Variants in ZNF43 observed in about 807,000 individuals in gnomAD.
The protein encoded by ZNF43 is zinc finger protein 43.
A neutral mutation model predicts 68.4 loss-of-function variants in ZNF43; 44 were observed. That is an observed-to-expected ratio of 0.64 (90% CI 0.51 to 0.83). The LOEUF is 0.83. ZNF43 is among the 40% of genes least tolerant of loss of function. The pLI, the probability that ZNF43 is intolerant of heterozygous loss-of-function variation, is 0.00. For synonymous variants in ZNF43, 308 were observed against 307.8 expected (o/e 1.00, Z -0.01); for missense variants, 896 against 933.2 (o/e 0.96, Z 0.52).
chr19:21,830,628 C>G (rs991858594), intron 1 of ZNF43, among the ~76,000 whole-genome samples: 4 of 145,316 alleles, frequency 2.8e-5, no homozygotes, highest in African/African-American at 1.0e-4. Flanking sequence ...AGCCTAGAAA[C>G]CAATAAAAAA....
chr19:21,811,648 T>C (rs886922241), intron 3 of ZNF43, among the ~76,000 whole-genome samples: 2 of 151,772 alleles, frequency 1.3e-5, no homozygotes, highest in Admixed American at 6.6e-5. Context: ...AATGTGGTAC[T>C]GACACAAAGA....
In ZNF43 at chr19:21,808,513, T is replaced by C; in HGVS notation, c.1524A>G (p.Lys508=). ...TKHKKIHIEK[K]PYKCEECGKA... ...TGCCACATTCTTCACATTTGTAGGG[T>C]TTCTTTTCAATGTGAATTTTCTTAT... Residue 508 remains lysine, a synonymous_variant, in exon 4 of 4, where the codon AAA becomes AAG. Coordinates refer to ENST00000354959, the MANE Select transcript of ZNF43 (RefSeq NM_003423.4). 6.2e-7 allele frequency: 1 copy of C among 1,612,862 alleles called. No individual in the cohort carries two copies. The highest frequency in any genetic ancestry group is 8.5e-7 in the Non-Finnish European group (1 of 1,179,746).
At chr19:21,835,990 G>A (rs750001004) in intron 1 of ZNF43, 46 bp downstream of exon 1, 13 of 1,613,038 alleles carry the variant, frequency 8.1e-6, no homozygotes, top group Admixed American at 3.3e-5. Context: ...CCTGAGTCAC[G>A]CCACAGCCCC....
intron 3 of ZNF43, among the ~76,000 whole-genome samples, chr19:21,815,056 C>G (rs2037455338): frequency 6.6e-6 from 1 of 151,766 alleles, no homozygotes. Context: ...GGCATGATGG[C>G]AAATGCCTAT....
exon 1 of ZNF43, chr19:21,851,954 G>A: frequency 2.6e-6 from 4 of 1,559,174 alleles, no homozygotes; most frequent in Non-Finnish European, 3.5e-6. Flanking sequence ...GCGTCTCCCA[G>A]GACTTGCAGA....
chr19:21,818,549 T>C (rs1355008540), intron 2 of ZNF43, among the ~76,000 whole-genome samples: 1 of 151,838 alleles, frequency 6.6e-6, no homozygotes, highest in Admixed American at 6.6e-5. Flanking sequence ...GGCTCCTGAG[T>C]AGCTGGGATT....
chr19:21,839,530 G>C (rs1171240597), upstream of ZNF43: 1 of 152,054 alleles, frequency 6.6e-6, no homozygotes, highest in Non-Finnish European at 1.5e-5. Flanking sequence ...CTAAGTAATG[G>C]GCCCAGAGAT....
upstream of ZNF43, among the ~76,000 whole-genome samples, chr19:21,837,519 G>A (rs1433596415): frequency 6.9e-6 from 1 of 144,594 alleles, no homozygotes; most frequent in Non-Finnish European, 1.5e-5. Context: ...CCGCCTCCCA[G>A]GTTCAAGCGA....
Position 21,808,563 on chromosome 19 carries a change from T to TAA in ZNF43, c.1472_1473dup (p.Ser492LeufsTer40). 1.9e-6 allele frequency: 3 copies of TAA among 1,613,650 alleles called. No homozygotes were observed. The highest frequency in any genetic ancestry group is 2.5e-6 in the Non-Finnish European group (3 of 1,179,828). ...TGTTTAGTAAGGTTTGAGGACCGGCTAAAAGCTTTGCCACATTCTTCACAT... is the reference window on the plus strand; with the variant it reads ...TGTTTAGTAAGGTTTGAGGACCGGCTAAAAAAGCTTTGCCACATTCTTCACAT... On this transcript the variant is annotated frameshift_variant, in exon 4 of 4. Transcript: ENST00000354959. LOFTEE classifies it high-confidence loss of function.
intron 1 of ZNF43, among the ~76,000 whole-genome samples, chr19:21,851,558 A>C (rs1300953763): frequency 6.6e-6 from 1 of 151,144 alleles, no homozygotes; most frequent in Admixed American, 6.6e-5. Flanking sequence ...AAAAAAAAAA[A>C]AAAAATTAAC....
In ZNF43 at chr19:21,809,604, T is replaced by A. The variant is rs1195552234; in HGVS notation, c.433A>T (p.Ile145Leu). The A allele has an allele frequency of 6.2e-7, 1 of 1,612,108 alleles. No homozygotes were observed. The stretch of plus-strand genomic sequence containing the variant: ...TTCACACATTTATCAAATAGAAATA[T>A]TTTGCTCTGGGTAGCTGGCAAACAT... Reference protein sequence around the residue: ...NQCLPATQSKIFLFDKCVKAF... With the variant: ...NQCLPATQSKLFLFDKCVKAF... Residue 145 changes from isoleucine to leucine, a missense_variant, in exon 4 of 4, where the codon ATA becomes TTA. Coordinates refer to ENST00000354959, the MANE Select transcript of ZNF43 (RefSeq NM_003423.4).
At chr19:21,815,651 A>G (rs1336123827) in intron 3 of ZNF43, among the ~76,000 whole-genome samples, 1 of 152,010 alleles carries the variant, frequency 6.6e-6, no homozygotes, top group African/African-American at 2.4e-5. Flanking sequence ...TAACTATATT[A>G]GTAAATATGG....
chr19:21,818,964 C>G (rs757388894), intron 2 of ZNF43, 131 bp downstream of exon 2: 46 of 1,319,612 alleles, frequency 3.5e-5, no homozygotes, highest in Non-Finnish European at 4.6e-5. Flanking sequence ...GCCAACAAAT[C>G]CCAATTTTTT....
In ZNF43 at chr19:21,836,045, G is replaced by C. The variant is rs1236017634; in HGVS notation, c.-7C>G. The C allele has an allele frequency of 6.2e-7, 1 of 1,613,996 alleles. No homozygotes were observed. On this transcript the variant is annotated 5_prime_UTR_variant, in exon 1 of 4. Transcript: ENST00000354959. The stretch of plus-strand genomic sequence containing the variant: ...GGACCGGCACTCTCACCATTTCTAG[G>C]CTTCCGGGGGGTCCTGGCGTCTTAG...
chr19:21,829,072 G>A (rs1970212809), intron 1 of ZNF43, among the ~76,000 whole-genome samples: 2 of 134,988 alleles, frequency 1.5e-5, no homozygotes, highest in African/African-American at 2.8e-5. Context: ...AAAATTAGCC[G>A]GACGTGGTGG....
intron 3 of ZNF43, among the ~76,000 whole-genome samples, chr19:21,810,529 C>T (rs2037225380): frequency 6.6e-6 from 1 of 152,152 alleles, no homozygotes; most frequent in South Asian, 2.1e-4. Context: ...GACATCCAAA[C>T]CATATCACAG....
At chr19:21,851,708 C>T (rs1015802117) in intron 1 of ZNF43, among the ~76,000 whole-genome samples, 2 of 152,166 alleles carry the variant, frequency 1.3e-5, no homozygotes, top group African/African-American at 4.8e-5. Context: ...CCAGAGAGCT[C>T]CAGACAGGGT....
At chr19:21,851,792 T>C in intron 1 of ZNF43, 1 of 1,206,284 alleles carries the variant, frequency 8.3e-7, no homozygotes, top group Non-Finnish European at 1.1e-6. Context: ...CAGAGGGGCC[T>C]GGGGCGGAGC....
intron 1 of ZNF43, chr19:21,849,983 G>C (rs1343378727): frequency 6.6e-6 from 1 of 152,192 alleles, no homozygotes; most frequent in African/African-American, 2.4e-5. Context: ...TCTTTTCTGA[G>C]GGCAGAGACC....
Sources: allele counts gnomAD v4.1 joint callset (sites outside exome capture counted in the v4.1 genomes callset), GRCh38; gene constraint gnomAD v4.1.1; transcripts MANE v1.5; gene names NCBI Gene and HGNC (gene_info 2026-07-23, HGNC 2026-07-21).